Variants in CACNA1B observed in about 807,000 individuals in gnomAD.
CACNA1B encodes voltage-dependent N-type calcium channel subunit alpha-1B.
Under a neutral mutation model 247.2 loss-of-function variants are expected in CACNA1B, and 70 were observed. The observed-to-expected ratio is 0.28, with a 90% confidence interval of 0.23 to 0.35. The LOEUF (loss-of-function observed/expected upper bound fraction) is 0.35. CACNA1B is among the 10% of genes least tolerant of loss of function. CACNA1B has a pLI of 1.00. For missense variants in CACNA1B, 2,367 were observed against 3,197.4 expected, an observed-to-expected ratio of 0.74 and a Z score of 6.26; for synonymous variants, 1,231 against 1,294.4, an observed-to-expected ratio of 0.95 and a Z score of 1.05.
rs1427585766 is a variant in CACNA1B, at chr9:138,052,885, G to A, written c.3807+697G>A. On this transcript the variant is annotated intron_variant, in intron 25 of 46. Transcript: ENST00000371372. The surrounding 1 kb of genome is among the most constrained non-coding windows in gnomAD (Gnocchi z 5.1). The stretch of plus-strand genomic sequence containing the variant: ...GCTGTGCAGTGGTCATCCACAGTGT[G>A]CCAGGCTGCTTTGTGGGAGACGGTT... Among the ~76,000 whole-genome samples, 11 of 152,216 alleles carry A rather than the reference G, an allele frequency of 7.2e-5. 1 individual carries two copies. The highest frequency in any genetic ancestry group is 5.9e-5 in the Non-Finnish European group (4 of 68,048).
At chr9:138,033,787 C>T (rs955919093) in intron 20 of CACNA1B, among the ~76,000 whole-genome samples, 1 of 152,162 alleles carries the variant, frequency 6.6e-6, no homozygotes, top group African/African-American at 2.4e-5. Flanking sequence ...GTGAGACTCA[C>T]TATCACGAGA....
rs572514420 is a variant in CACNA1B at position 137,899,496 on chromosome 9, T to C, written c.531-13684T>C. 4.6e-5 allele frequency among the ~76,000 whole-genome samples: 7 copies of C among 152,224 alleles called. No individual in the cohort carries two copies. The highest frequency in any genetic ancestry group is 8.8e-5 in the Non-Finnish European group (6 of 68,038). ...CCGCTGTCGTGTGTGTGCTTGGGGT[T>C]GGGGTTCCCCGCATGCCATGCCTAG... On this transcript the variant is annotated intron_variant, in intron 3 of 46. Transcript: ENST00000371372. The surrounding 1 kb of genome is among the most constrained non-coding windows in gnomAD (Gnocchi z 5.0).
chr9:137,887,162 G>A (rs1286274183), intron 3 of CACNA1B, among the ~76,000 whole-genome samples: 2 of 151,928 alleles, frequency 1.3e-5, no homozygotes, highest in Non-Finnish European at 2.9e-5. Context: ...AGCATGCAGA[G>A]GCCTCTGCAG....
intron 20 of CACNA1B, among the ~76,000 whole-genome samples, chr9:138,025,445 G>T (rs1958909900): frequency 6.6e-6 from 1 of 152,234 alleles, no homozygotes; most frequent in African/African-American, 2.4e-5. Flanking sequence ...GTGTTAGAGT[G>T]CTGAGAGCAT....
At chr9:137,960,458 GAAT>G in intron 10 of CACNA1B, among the ~76,000 whole-genome samples, 1 of 10,712 alleles carries the variant, frequency 9.3e-5, no homozygotes, top group Non-Finnish European at 1.6e-4. Flanking sequence ...AGGTCGGCCT[GAAT>G]GAAGGACACC....
rs1173163661 is a variant in CACNA1B at position 137,954,879 on chromosome 9, TGAGAGA to T, written c.1071-801_1071-796del. 8.3e-5 allele frequency among the ~76,000 whole-genome samples: 12 copies of T among 145,286 alleles called. No homozygotes were observed. Among genetic ancestry groups the T allele is most frequent in the Admixed American group, 1.4e-4 (2 of 14,722 alleles). On this transcript the variant is annotated intron_variant, in intron 7 of 46. Transcript: ENST00000371372. This position sits in a 1 kb window ranked among gnomAD's most constrained non-coding sequence, Gnocchi z 4.1. ...GCTTGTGTGTGTGTGTGTGTGTGTG[TGAGAGA>T]GAGAGAGAGAGAGAGAGGGGGAGAG...
intron 11 of CACNA1B, among the ~76,000 whole-genome samples, chr9:137,975,678 C>G (rs1386003112): frequency 6.6e-6 from 1 of 152,216 alleles, no homozygotes; most frequent in Non-Finnish European, 1.5e-5. Flanking sequence ...CTCTGGGTCT[C>G]AGAGGCACTA....
chr9:137,948,273 G>A (rs913071411), intron 6 of CACNA1B, among the ~76,000 whole-genome samples: 4 of 152,148 alleles, frequency 2.6e-5, no homozygotes, highest in Admixed American at 1.3e-4. Flanking sequence ...GAGCCACCAC[G>A]CCTGGCCGTA....
At chr9:138,108,773 C>G (rs113086586) in intron 39 of CACNA1B, among the ~76,000 whole-genome samples, 5 of 152,086 alleles carry the variant, frequency 3.3e-5, no homozygotes, top group Non-Finnish European at 2.9e-5. Context: ...CTCAGCCTCC[C>G]GAGTAGCTGG....
intron 26 of CACNA1B, among the ~76,000 whole-genome samples, chr9:138,056,013 A>G (rs7029308): frequency 0.18 from 26,814 of 151,092 alleles, 6,828 homozygotes; most frequent in African/African-American, 0.56. Flanking sequence ...GCGACAGTGT[A>G]AGACTCTGTC....
At chr9:138,112,927 AG>A (rs1961698133) in intron 40 of CACNA1B, among the ~76,000 whole-genome samples, 1 of 117,634 alleles carries the variant, frequency 8.5e-6, no homozygotes. Context: ...GAGGGAGCAC[AG>A]GGAAGTGCCC....
rs1041694059 is a variant in CACNA1B, at chr9:138,078,270, G to C, written c.5094+12G>C. ...TGTGCTCCTTTCTGGTGAGTCCTGGGCACTGTGCCCCTCCCAGTGCCACGT... is the reference window on the plus strand; with the variant it reads ...TGTGCTCCTTTCTGGTGAGTCCTGGCCACTGTGCCCCTCCCAGTGCCACGT... On this transcript the variant is annotated intron_variant, in intron 36 of 46. Transcript: ENST00000371372. The C allele has an allele frequency of 1.2e-6, 2 of 1,613,470 alleles. No individual in the cohort carries two copies. Among genetic ancestry groups the C allele is most frequent in the Non-Finnish European group, 8.5e-7 (1 of 1,179,534 alleles).
At chr9:137,997,070 A>C (rs1958509448) in intron 15 of CACNA1B, among the ~76,000 whole-genome samples, 1 of 152,234 alleles carries the variant, frequency 6.6e-6, no homozygotes, top group Non-Finnish European at 1.5e-5. Flanking sequence ...ATTAAGGTGG[A>C]TACAAACCCT....
rs1415256235 is a variant in CACNA1B at position 137,917,320 on chromosome 9, G to A, written c.855G>A (p.Glu285=). The change falls in exon 6 of 47, where the codon GAG becomes GAA. Residue 285 remains glutamate (E), a synonymous_variant. Coordinates refer to ENST00000371372, the MANE Select transcript of CACNA1B (RefSeq NM_000718.4). The surrounding 1 kb of genome is among the most constrained non-coding windows in gnomAD (Gnocchi z 5.5). ...RLCEGDTECR[E]YWPGPNFGIT... is the part of the protein sequence containing the mutation. Reference sequence around the variant, plus strand: ...GCGAGGGCGACACTGAGTGCCGGGAGTACTGGCCAGGACCCAACTTTGGCA... The same window carrying A: ...GCGAGGGCGACACTGAGTGCCGGGAATACTGGCCAGGACCCAACTTTGGCA... 4.3e-6 allele frequency: 7 copies of A among 1,613,896 alleles called. No homozygotes were observed. The South Asian group carries it at 6.6e-5, about 15-fold the overall frequency.
Position 137,985,104 on chromosome 9 carries a change from C to T in CACNA1B, c.1769+854C>T, listed in dbSNP as rs530001358. ...CAAGCAGAACTGCCGACACTGAGCC[C>T]GTGCAGTGCCAGGTCATAGGTCACA... On this transcript the variant is annotated intron_variant, in intron 13 of 46. Coordinates refer to ENST00000371372, the MANE Select transcript of CACNA1B (RefSeq NM_000718.4). Among the ~76,000 whole-genome samples the T allele has an allele frequency of 2.4e-4, 37 of 152,316 alleles. No individual in the cohort carries two copies. The South Asian group carries it at 6.6e-3, about 27-fold the overall frequency.
chr9:138,115,297 C>G (rs1389741652), intron 41 of CACNA1B, among the ~76,000 whole-genome samples: 1 of 152,188 alleles, frequency 6.6e-6, no homozygotes, highest in Admixed American at 6.5e-5. Context: ...ACATGGCTTT[C>G]CTGAAGTCAC....
At chr9:138,068,527 G>C in intron 31 of CACNA1B, 1 of 502,792 alleles carries the variant, frequency 2.0e-6, no homozygotes, top group South Asian at 1.5e-5. Context: ...TGTGCGTCTC[G>C]CCCGGAAGCA....
chr9:138,022,942 T>C (rs928314006), intron 18 of CACNA1B, 69 bp from the exon 19 acceptor site: 46 of 1,434,692 alleles, frequency 3.2e-5, no homozygotes, highest in East Asian at 5.6e-5. Context: ...TGTGTGTGCA[T>C]TGTGGCCTCC....
At chr9:137,915,395 G>C (rs1957398652) in intron 5 of CACNA1B, among the ~76,000 whole-genome samples, 2 of 152,160 alleles carry the variant, frequency 1.3e-5, no homozygotes, top group Non-Finnish European at 2.9e-5. Context: ...TTGTGATAGA[G>C]GTGGTTAAAA....
Sources: allele counts gnomAD v4.1 joint callset (sites outside exome capture counted in the v4.1 genomes callset), GRCh38; gene constraint gnomAD v4.1.1; non-coding constraint Gnocchi (gnomAD v3.1); transcripts MANE v1.5; gene names NCBI Gene and HGNC (gene_info 2026-07-23, HGNC 2026-07-21).